NF2: variants seen among roughly 807,000 people sequenced by gnomAD.
NF2 encodes merlin.
NF2 carries 8 observed loss-of-function variants against 83.7 expected under a neutral mutation model. The ratio of observed to expected loss-of-function variants is 0.10; its 90% CI spans 0.06 to 0.17. The LOEUF (loss-of-function observed/expected upper bound fraction) is 0.17. Ranked by LOEUF, NF2 falls within the 10% of genes least tolerant of loss-of-function variation. The pLI, the probability that NF2 is intolerant of heterozygous loss-of-function variation, is 1.00. For synonymous variants in NF2, 266 were observed against 269.6 expected (o/e 0.99, Z 0.13); for missense variants, 533 against 744.4 (o/e 0.72, Z 3.31).
chr22:29,625,824 C>G (rs1377187144), intron 1 of NF2, among the ~76,000 whole-genome samples: 1 of 152,218 alleles, frequency 6.6e-6, no homozygotes, highest in Non-Finnish European at 1.5e-5. Context: ...TCTTTTGCCA[C>G]TGTTCTCTTT....
intron 6 of NF2, 56 bp downstream of exon 6, chr22:29,655,732 T>G: frequency 8.2e-7 from 1 of 1,225,246 alleles, no homozygotes; most frequent in East Asian, 2.4e-5. Context: ...TTTTTTTTTT[T>G]GCCTTAAAGA....
chr22:29,695,317 G>A lies in NF2; in HGVS notation c.*515G>A, dbSNP rs955553280. The A allele has an allele frequency of 1.1e-5, 3 of 273,846 alleles. No homozygotes were observed. The highest frequency in any genetic ancestry group is 9.7e-5 in the South Asian group (1 of 10,356). The allele number at this position is 273,846 out of a possible 1,614,324, so 17.0% of individuals were successfully genotyped here. The stretch of plus-strand genomic sequence containing the variant: ...CCAGCACGCCTGCCGGCTTCTCATC[G>A]TCAGGGAGCCCGCCCAGAGCTCGTG... On this transcript the variant is annotated 3_prime_UTR_variant, in exon 16 of 16. Transcript: ENST00000338641. The surrounding 1 kb of genome is among the most constrained non-coding windows in gnomAD (Gnocchi z 5.4).
rs1049732514 is a variant in NF2, at chr22:29,681,565, C to G, written c.1701C>G (p.Asp567Glu). 8.7e-6 allele frequency: 14 copies of G among 1,614,026 alleles called. No homozygotes were observed. The Admixed American group carries it at 2.0e-4, about 23-fold the overall frequency. The change falls in exon 15 of 16, where the codon GAC (aspartate) becomes GAG (glutamate). Residue 567 changes from aspartate (D) to glutamate (E), a missense_variant. Transcript: ENST00000338641. ...ALDILHNENS[D>E]RGGSSKHNTI... ...ATATTCTGCACAATGAGAACTCCGA[C>G]AGGGGTGGCAGCAGCAAGCACAATA... is the stretch of plus-strand genomic sequence containing the variant.
intron 15 of NF2, among the ~76,000 whole-genome samples, chr22:29,690,323 G>A (rs1416580640): frequency 6.6e-6 from 1 of 152,172 alleles, no homozygotes; most frequent in Non-Finnish European, 1.5e-5. Flanking sequence ...TGTTTAGATT[G>A]GGTGGATGTG....
intron 4 of NF2, among the ~76,000 whole-genome samples, chr22:29,648,123 T>C (rs1270121044): frequency 7.5e-6 from 1 of 133,104 alleles, no homozygotes; most frequent in Admixed American, 7.8e-5. Flanking sequence ...AGAGTGAGAC[T>C]CCATCTCAAA....
At chr22:29,609,842 AT>A (rs1328754319) in intron 1 of NF2, among the ~76,000 whole-genome samples, 1 of 152,162 alleles carries the variant, frequency 6.6e-6, no homozygotes, top group South Asian at 2.1e-4. Flanking sequence ...TATAAAAACA[AT>A]TTTTTTCTGT....
intron 10 of NF2, among the ~76,000 whole-genome samples, chr22:29,669,629 A>G (rs2077161313): frequency 6.6e-6 from 1 of 152,212 alleles, no homozygotes; most frequent in South Asian, 2.1e-4. Flanking sequence ...AAGAAATCTG[A>G]AAGTGTCAGG....
intron 15 of NF2, among the ~76,000 whole-genome samples, chr22:29,687,478 T>C (rs1407411069): frequency 6.6e-6 from 1 of 151,976 alleles, no homozygotes; most frequent in East Asian, 1.9e-4. Context: ...AAGTGATAAA[T>C]CACAGAGAGA....
intron 7 of NF2, among the ~76,000 whole-genome samples, chr22:29,660,266 G>A (rs1278763970): frequency 1.3e-5 from 2 of 152,206 alleles, no homozygotes; most frequent in Non-Finnish European, 2.9e-5. Flanking sequence ...GCTGTCAGGG[G>A]CAGAGCATAA....
intron 15 of NF2, among the ~76,000 whole-genome samples, chr22:29,690,417 T>C (rs2067374594): frequency 1.3e-5 from 2 of 152,144 alleles, no homozygotes; most frequent in Non-Finnish European, 2.9e-5. Flanking sequence ...AGTTCTCCCC[T>C]GCCGTCTCAC....
At chr22:29,625,955 A>G (rs980082174) in intron 1 of NF2, among the ~76,000 whole-genome samples, 1 of 152,130 alleles carries the variant, frequency 6.6e-6, no homozygotes, top group African/African-American at 2.4e-5. Flanking sequence ...TTGTTTCAAT[A>G]GTTTTGATAG....
At chr22:29,617,740 G>A (rs531403779) in intron 1 of NF2, among the ~76,000 whole-genome samples, 35 of 152,316 alleles carry the variant, frequency 2.3e-4, no homozygotes, top group African/African-American at 8.4e-4. Flanking sequence ...GTAGTTCTGG[G>A]ATGGAAGTGA....
At chr22:29,675,186 CT>C (rs1181859836) in intron 13 of NF2, among the ~76,000 whole-genome samples, 2 of 152,216 alleles carry the variant, frequency 1.3e-5, no homozygotes, top group Non-Finnish European at 2.9e-5. Flanking sequence ...TTTTCCAGCT[CT>C]GGAATGTTTT....
intron 1 of NF2, among the ~76,000 whole-genome samples, chr22:29,629,347 ATTACTT>A (rs2065450002): frequency 6.6e-6 from 1 of 152,226 alleles, no homozygotes; most frequent in Non-Finnish European, 1.5e-5. Context: ...GTACAGTAAA[ATTACTT>A]TTATAACTTT....
chr22:29,621,908 G>A (rs1262480421), intron 1 of NF2, among the ~76,000 whole-genome samples: 1 of 152,110 alleles, frequency 6.6e-6, no homozygotes, highest in African/African-American at 2.4e-5. Context: ...TCTAGGCTCT[G>A]CTCAAGGGTT....
intron 15 of NF2, among the ~76,000 whole-genome samples, chr22:29,689,199 AAGAG>A (rs2067343011): frequency 2.1e-5 from 3 of 142,380 alleles, no homozygotes; most frequent in Non-Finnish European, 4.6e-5. Flanking sequence ...AAAAAAAAAA[AAGAG>A]AAAGTAAAGA....
intron 1 of NF2, among the ~76,000 whole-genome samples, chr22:29,619,191 T>C (rs931603883): frequency 2.0e-5 from 3 of 151,868 alleles, no homozygotes; most frequent in African/African-American, 7.3e-5. Flanking sequence ...AATACAGGCA[T>C]GTGCCAACAC....
At chr22:29,614,459 G>A (rs917277606) in intron 1 of NF2, among the ~76,000 whole-genome samples, 33 of 152,134 alleles carry the variant, frequency 2.2e-4, no homozygotes, top group African/African-American at 7.5e-4. Flanking sequence ...GCGGGCGCCT[G>A]TAGTCCCAGC....
chr22:29,694,331 A>T lies in NF2; in HGVS notation c.1738-421A>T, dbSNP rs1370452283. ...CCAGCCATGTTGCCAGGGCATGAGGACTAAGATGCTTGCCCTGCCAAGCCC... is the reference window on the plus strand; with the variant it reads ...CCAGCCATGTTGCCAGGGCATGAGGTCTAAGATGCTTGCCCTGCCAAGCCC... On this transcript the variant is annotated intron_variant, in intron 15 of 15. Transcript: ENST00000338641. This position sits in a 1 kb window ranked among gnomAD's most constrained non-coding sequence, Gnocchi z 4.1. 6.6e-6 allele frequency among the ~76,000 whole-genome samples: 1 copy of T among 152,228 alleles called. No homozygotes were observed. Among genetic ancestry groups the T allele is most frequent in the Non-Finnish European group, 1.5e-5 (1 of 68,028 alleles).
Sources: allele counts gnomAD v4.1 joint callset (sites outside exome capture counted in the v4.1 genomes callset), GRCh38; gene constraint gnomAD v4.1.1; non-coding constraint Gnocchi (gnomAD v3.1); transcripts MANE v1.5; gene names NCBI Gene and HGNC (gene_info 2026-07-23, HGNC 2026-07-21).